Variants in VTI1A observed in about 807,000 individuals in gnomAD.
The protein encoded by VTI1A is vesicle transport through interaction with t-SNAREs 1A.
In VTI1A, 22 loss-of-function variants were observed where a neutral mutation model predicts 34.9. The observed-to-expected ratio is 0.63, with a 90% CI of 0.45 to 0.90. The LOEUF (loss-of-function observed/expected upper bound fraction) is 0.90. Among genes scored for constraint, VTI1A ranks in the 40% least tolerant of loss-of-function variants. VTI1A has a pLI of 0.00. For synonymous variants in VTI1A, 87 were observed against 97.3 expected (o/e 0.89, Z 0.62); for missense variants, 268 against 275.6 (o/e 0.97, Z 0.20).
chr10:112,485,612 C>T (rs1848598536), intron 3 of VTI1A, among the ~76,000 whole-genome samples: 1 of 152,156 alleles, frequency 6.6e-6, no homozygotes, highest in South Asian at 2.1e-4. Flanking sequence ...ACTGACAGGT[C>T]CGGTTCATAA....
At position 112,816,892 on chromosome 10, in the gene VTI1A, T is replaced by G. The variant is rs1853538155; in HGVS notation, c.*1509T>G. On this transcript the variant is annotated 3_prime_UTR_variant, in exon 8 of 8. Transcript: ENST00000393077. ...CAGAATCCACCAGAGAAATTGCACTTATCGAAACAGGCCAAGGCCTGCATG... is the reference window on the plus strand; with the variant it reads ...CAGAATCCACCAGAGAAATTGCACTGATCGAAACAGGCCAAGGCCTGCATG... The G allele has an allele frequency of 8.7e-6, 2 of 230,344 alleles. No homozygotes were observed. The highest frequency in any genetic ancestry group is 1.2e-4 in the East Asian group (2 of 16,182). The allele number at this position is 230,344 out of a possible 1,614,324, so 14.3% of individuals were successfully genotyped here.
chr10:112,547,896 A>G (rs915580266), intron 5 of VTI1A, among the ~76,000 whole-genome samples: 1 of 152,106 alleles, frequency 6.6e-6, no homozygotes, highest in African/African-American at 2.4e-5. Context: ...TTTTTGAAGA[A>G]AAGCAATCAA....
chr10:112,746,875 A>C (rs1473417147), intron 7 of VTI1A, among the ~76,000 whole-genome samples: 3 of 152,228 alleles, frequency 2.0e-5, no homozygotes, highest in African/African-American at 7.2e-5. Context: ...GCATGATAAA[A>C]ATATGTTAAT....
intron 5 of VTI1A, among the ~76,000 whole-genome samples, chr10:112,599,475 T>C (rs1474711201): frequency 6.6e-6 from 1 of 152,186 alleles, no homozygotes; most frequent in Non-Finnish European, 1.5e-5. Flanking sequence ...AAACAGTCCA[T>C]GGTGGATGCC....
intron 5 of VTI1A, among the ~76,000 whole-genome samples, chr10:112,577,537 G>A (rs531824822): frequency 3.9e-4 from 60 of 152,312 alleles, no homozygotes; most frequent in Non-Finnish European, 7.5e-4. Context: ...ATGGGGCCTT[G>A]AAGATTGGGA....
intron 5 of VTI1A, among the ~76,000 whole-genome samples, chr10:112,554,880 A>G (rs1174232978): frequency 2.0e-5 from 3 of 152,152 alleles, no homozygotes; most frequent in Non-Finnish European, 2.9e-5. Flanking sequence ...AGGCTAATCA[A>G]TCATTTAATT....
chr10:112,658,210 C>A (rs1161722861), intron 5 of VTI1A, among the ~76,000 whole-genome samples: 1 of 152,154 alleles, frequency 6.6e-6, no homozygotes, highest in African/African-American at 2.4e-5. Flanking sequence ...GCCTTAGCCT[C>A]CCAAGAAGCT....
At position 112,517,553 on chromosome 10, in the gene VTI1A, A is replaced by C. The variant is rs542679717; in HGVS notation, c.265-9534A>C. On this transcript the variant is annotated intron_variant, in intron 3 of 7. Transcript: ENST00000393077. ...TACAACATGAAAAGAGGAAAAGGGT[A>C]ACGTTACAGTGAATAAACTTGATAA... Among the ~76,000 whole-genome samples, 6 of 152,230 alleles carry C rather than the reference A, an allele frequency of 3.9e-5. No individual in the cohort carries two copies. The South Asian group carries it at 1.2e-3, about 32-fold the overall frequency.
intron 3 of VTI1A, among the ~76,000 whole-genome samples, chr10:112,488,424 G>A (rs2134117528): frequency 6.6e-6 from 1 of 152,240 alleles, no homozygotes; most frequent in East Asian, 1.9e-4. Context: ...ATAATGCAGA[G>A]CTTTCCTAAG....
chr10:112,548,697 C>T, intron 5 of VTI1A: 1 of 1,287,282 alleles, frequency 7.8e-7, no homozygotes, highest in East Asian at 2.3e-5. Flanking sequence ...TTGTCCACTG[C>T]TTTGATGACA....
intron 4 of VTI1A, among the ~76,000 whole-genome samples, chr10:112,537,265 G>GCA (rs143490308): frequency 8.9e-6 from 1 of 112,092 alleles, no homozygotes; most frequent in Non-Finnish European, 1.9e-5. Flanking sequence ...ACACACACAC[G>GCA]CACACACACA....
chr10:112,521,325 T>A (rs1850021374), intron 3 of VTI1A, among the ~76,000 whole-genome samples: 1 of 152,030 alleles, frequency 6.6e-6, no homozygotes, highest in South Asian at 2.1e-4. Flanking sequence ...AATTACAGGA[T>A]CTAAATAATA....
At chr10:112,704,405 T>C in intron 7 of VTI1A, among the ~76,000 whole-genome samples, 1 of 152,190 alleles carries the variant, frequency 6.6e-6, no homozygotes, top group Non-Finnish European at 1.5e-5. Context: ...ACAGGGACAA[T>C]ATGTTATTTT....
chr10:112,622,301 A>C (rs537144553), intron 5 of VTI1A, among the ~76,000 whole-genome samples: 7 of 152,304 alleles, frequency 4.6e-5, no homozygotes, highest in African/African-American at 1.7e-4. Flanking sequence ...GGCACTAGAC[A>C]CACCCAGCTG....
At chr10:112,736,589 A>G (rs1490189446) in intron 7 of VTI1A, 2 of 1,387,900 alleles carry the variant, frequency 1.4e-6, no homozygotes, top group African/African-American at 2.9e-5. Context: ...TGACTCTGAA[A>G]GTGGCTCCTC....
intron 5 of VTI1A, among the ~76,000 whole-genome samples, chr10:112,637,406 C>T (rs961029118): frequency 1.3e-5 from 2 of 152,052 alleles, no homozygotes; most frequent in African/African-American, 4.8e-5. Context: ...TGGTGGCTCA[C>T]GCCTGTAATC....
intron 5 of VTI1A, among the ~76,000 whole-genome samples, chr10:112,653,226 G>A (rs1257998609): frequency 6.6e-6 from 1 of 152,186 alleles, no homozygotes; most frequent in African/African-American, 2.4e-5. Flanking sequence ...TTTGGTTCTA[G>A]GAAGTCAGCG....
intron 7 of VTI1A, among the ~76,000 whole-genome samples, chr10:112,781,744 A>G (rs372479403): frequency 2.0e-5 from 3 of 151,638 alleles, no homozygotes; most frequent in African/African-American, 7.3e-5. Context: ...AGTCCCAGCT[A>G]CTCGGGAGGC....
chr10:112,468,548 G>A (rs927871846), intron 3 of VTI1A, among the ~76,000 whole-genome samples: 3 of 152,100 alleles, frequency 2.0e-5, no homozygotes, highest in South Asian at 2.1e-4. Flanking sequence ...TTATGCCCAT[G>A]GGGAGGGGCA....
Sources: gnomAD v4.1 joint callset for allele counts (sites outside exome capture counted in the v4.1 genomes callset) on GRCh38, gnomAD v4.1.1 for gene constraint, MANE v1.5 for transcripts, NCBI Gene and HGNC (gene_info 2026-07-23, HGNC 2026-07-21) for gene names.